COL14A1: variants seen among roughly 807,000 people sequenced by gnomAD.
COL14A1 encodes the protein collagen alpha-1(XIV) chain.
COL14A1 carries 136 observed loss-of-function variants against 230.3 expected under a neutral mutation model. That is an observed-to-expected ratio of 0.59 (90% confidence interval 0.51 to 0.68). The LOEUF is 0.68. Ranked by LOEUF, COL14A1 falls within the 30% of genes least tolerant of loss-of-function variation. The pLI, the probability that COL14A1 is intolerant of heterozygous loss-of-function variation, is 0.00. For synonymous variants in COL14A1, 792 were observed against 784.1 expected (o/e 1.01, Z -0.17); for missense variants, 1,976 against 2,215.8 (o/e 0.89, Z 2.17).
At chr8:120,178,109 A>C (rs1816344438) in intron 5 of COL14A1, among the ~76,000 whole-genome samples, 1 of 152,188 alleles carries the variant, frequency 6.6e-6, no homozygotes, top group African/African-American at 2.4e-5. Context: ...ATTTAATTTA[A>C]GTTCTGGGAT....
chr8:120,202,469 G>A (rs988457566), intron 8 of COL14A1, among the ~76,000 whole-genome samples: 7 of 152,062 alleles, frequency 4.6e-5, no homozygotes, highest in Admixed American at 2.0e-4. Flanking sequence ...AATACCCTCC[G>A]ATGATTGAAA....
chr8:120,194,010 G>T (rs940462853), intron 5 of COL14A1, among the ~76,000 whole-genome samples: 42 of 152,188 alleles, frequency 2.8e-4, no homozygotes, highest in Non-Finnish European at 5.0e-4. Context: ...CCCGGGTGAG[G>T]CAATGCCTCG....
At chr8:120,190,709 C>A (rs1056577369) in intron 5 of COL14A1, among the ~76,000 whole-genome samples, 1 of 152,138 alleles carries the variant, frequency 6.6e-6, no homozygotes, top group African/African-American at 2.4e-5. Context: ...TTGATTATTG[C>A]CACAATTTCA....
At chr8:120,298,179 A>G (rs1820586966) in intron 35 of COL14A1, among the ~76,000 whole-genome samples, 1 of 151,866 alleles carries the variant, frequency 6.6e-6, no homozygotes, top group Non-Finnish European at 1.5e-5. Context: ...TAGCAGCTAT[A>G]TTTGTAAATT....
intron 45 of COL14A1, among the ~76,000 whole-genome samples, chr8:120,366,377 A>G (rs914064697): frequency 6.6e-6 from 1 of 152,152 alleles, no homozygotes; most frequent in African/African-American, 2.4e-5. Context: ...TGCTATTTCA[A>G]AGCATTGTTG....
chr8:120,189,270 G>T (rs772750878), intron 5 of COL14A1, among the ~76,000 whole-genome samples: 2 of 152,094 alleles, frequency 1.3e-5, no homozygotes, highest in African/African-American at 4.8e-5. Flanking sequence ...AGCCATTAGG[G>T]TTCATTGTGT....
chr8:120,290,020 A>C (rs1269595068), intron 34 of COL14A1, among the ~76,000 whole-genome samples: 1 of 152,176 alleles, frequency 6.6e-6, no homozygotes, highest in African/African-American at 2.4e-5. Flanking sequence ...ATGCATTAGG[A>C]ATTAGGCTAG....
intron 14 of COL14A1, among the ~76,000 whole-genome samples, chr8:120,217,025 C>T (rs908418004): frequency 1.3e-5 from 2 of 152,146 alleles, no homozygotes; most frequent in East Asian, 3.9e-4. Context: ...ACAGATCCTA[C>T]CTATGGTGGG....
intron 45 of COL14A1, among the ~76,000 whole-genome samples, chr8:120,347,541 T>C (rs1175607160): frequency 6.6e-6 from 1 of 152,200 alleles, no homozygotes; most frequent in Non-Finnish European, 1.5e-5. Context: ...AGCTTGGATT[T>C]GCTGCTGCAA....
chr8:120,357,302 C>T (rs1010804559), intron 45 of COL14A1, among the ~76,000 whole-genome samples: 5 of 152,092 alleles, frequency 3.3e-5, no homozygotes, highest in Admixed American at 6.5e-5. Context: ...CAGGAGTCTC[C>T]AGCCCTGGCT....
At chr8:120,166,942 TG>T (rs1464893027) in intron 4 of COL14A1, among the ~76,000 whole-genome samples, 5 of 136,678 alleles carry the variant, frequency 3.7e-5, no homozygotes, top group Non-Finnish European at 7.9e-5. Context: ...ATGGTGGTGG[TG>T]GGGGTGCTCC....
rs1818267419 is a variant in COL14A1 at position 120,231,550 on chromosome 8, G to A, written c.2281G>A (p.Asp761Asn). ...LRVKWDISDS[D>N]VQQFRVTYMT... ...GGTAAAATGGGACATTTCTGACAGC[G>A]ATGTGCAGCAGTTTAGGGTGACCTA... The change falls in exon 19 of 48, where the codon GAT becomes AAT. Residue 761 changes from aspartate to asparagine, a missense_variant. Physicochemically the swap from Asp to Asn is conservative, Grantham distance 23 (BLOSUM62 1). Coordinates refer to ENST00000297848, the MANE Select transcript of COL14A1 (RefSeq NM_021110.4). 4.3e-6 allele frequency: 7 copies of A among 1,613,932 alleles called. No individual in the cohort carries two copies. The highest frequency in any genetic ancestry group is 3.3e-5 in the South Asian group (3 of 91,074).
At chr8:120,126,959 T>G (rs796240143) in intron 1 of COL14A1, among the ~76,000 whole-genome samples, 78 of 152,334 alleles carry the variant, frequency 5.1e-4, no homozygotes, top group African/African-American at 1.9e-3. Context: ...TTCATATACC[T>G]CTCAATTAAC....
Position 120,343,323 on chromosome 8 carries a change from C to A in COL14A1, c.4888+877C>A, listed in dbSNP as rs553462443. ...CTAGCTCTGCTGTCCAGCCCTCTCA[C>A]CCAATAGCACCCCCACTTCCAGGGC... is the stretch of plus-strand genomic sequence containing the variant. On this transcript the variant is annotated intron_variant, in intron 44 of 47. Coordinates refer to ENST00000297848, the MANE Select transcript of COL14A1 (RefSeq NM_021110.4). Among the ~76,000 whole-genome samples the A allele has an allele frequency of 9.1e-4, 139 of 152,334 alleles. 1 individual carries two copies. The highest frequency in any genetic ancestry group is 3.2e-3 in the African/African-American group (132 of 41,562).
intron 45 of COL14A1, among the ~76,000 whole-genome samples, chr8:120,351,658 G>A (rs1242734685): frequency 0.011 from 1,464 of 132,710 alleles, 17 homozygotes; most frequent in African/African-American, 0.04. Context: ...TAAATTCCTC[G>A]ACACATACAC....
At chr8:120,128,228 C>CGTGTGTGTGTGT (rs33988612) in intron 1 of COL14A1, among the ~76,000 whole-genome samples, 1 of 146,684 alleles carries the variant, frequency 6.8e-6, no homozygotes, top group Admixed American at 6.8e-5. Context: ...TGTGCGCGCG[C>CGTGTGTGTGTGT]GTGTGTGTGT....
intron 8 of COL14A1, among the ~76,000 whole-genome samples, chr8:120,200,711 CTATTTATATATATATATATATATATA>C (rs1817209836): frequency 2.6e-5 from 2 of 76,802 alleles, no homozygotes; most frequent in African/African-American, 9.2e-5. Context: ...AAAAGTTTTC[CTATTTATATATATATATATATATATA>C]TATATATATA....
rs1815984525 is a variant in COL14A1, at chr8:120,168,385, C to T, written c.436+138C>T. ...AGATCGCCTGTGGCCTCTTTGTACT[C>T]TTCCTTCCTTTCCCACACAAGATGA... On this transcript the variant is annotated intron_variant, in intron 5 of 47. Transcript: ENST00000297848. 3 of 573,720 alleles carry T rather than the reference C, an allele frequency of 5.2e-6. No individual in the cohort carries two copies. The African/African-American group carries it at 5.5e-5, about 11-fold the overall frequency. The allele number at this position is 573,720 out of a possible 1,614,324, so 35.5% of individuals were successfully genotyped here.
At chr8:120,132,665 G>A (rs548198580) in intron 1 of COL14A1, among the ~76,000 whole-genome samples, 107 of 148,630 alleles carry the variant, frequency 7.2e-4, no homozygotes, top group Non-Finnish European at 1.3e-3. Flanking sequence ...TTTTCTCTTT[G>A]AAACAGAGTC....
Sources: allele counts gnomAD v4.1 joint callset (sites outside exome capture counted in the v4.1 genomes callset), GRCh38; gene constraint gnomAD v4.1.1; transcripts MANE v1.5; gene names NCBI Gene and HGNC (gene_info 2026-07-23, HGNC 2026-07-21).